PPP2R5C: variants seen among roughly 807,000 people sequenced by gnomAD.
PPP2R5C encodes serine/threonine-protein phosphatase 2A 56 kDa regulatory subunit gamma isoform.
In PPP2R5C, 7 loss-of-function variants were observed where a neutral mutation model predicts 68.9. The observed-to-expected ratio is 0.10, with a 90% CI of 0.06 to 0.19. PPP2R5C has a LOEUF of 0.19. Ranked by LOEUF, PPP2R5C falls within the 10% of genes least tolerant of loss-of-function variation. The pLI is 1.00. For missense variants in PPP2R5C, 348 were observed against 641.3 expected (o/e 0.54, Z 4.94); for synonymous variants, 210 against 222.2 (o/e 0.95, Z 0.49).
chr14:101,871,717 T>C (rs2043430674), intron 2 of PPP2R5C, among the ~76,000 whole-genome samples: 1 of 152,208 alleles, frequency 6.6e-6, no homozygotes, highest in African/African-American at 2.4e-5. Context: ...TTTGGATCAA[T>C]TGAGTACTTT....
chr14:101,872,019 G>T (rs1433340330), intron 2 of PPP2R5C, among the ~76,000 whole-genome samples: 1 of 151,238 alleles, frequency 6.6e-6, no homozygotes, highest in East Asian at 1.9e-4. Context: ...TTAAGTTTTC[G>T]GGTATTAAAA....
chr14:101,786,281 A>T, intron 3 of PPP2R5C, 98 bp downstream of exon 3: 5 of 1,123,108 alleles, frequency 4.5e-6, no homozygotes, highest in South Asian at 2.1e-5. Context: ...CTGTGTTTGT[A>T]TTTTGTGGGG....
At position 101,925,148 on chromosome 14, in the gene PPP2R5C, A is replaced by G. The variant is rs201378220; in HGVS notation, c.1451A>G (p.Lys484Arg). The G allele has an allele frequency of 1.5e-4, 246 of 1,613,922 alleles. No individual in the cohort carries two copies. The highest frequency in any genetic ancestry group is 1.6e-4 in the Middle Eastern group (1 of 6,084). The change falls in exon 14 of 14, where the codon AAA becomes AGA. Residue 484 changes from lysine (K) to arginine (R), a missense_variant. This residue lies in a region of PPP2R5C where 118 missense variants were observed against 108.9 expected (regional missense o/e 1.08). Coordinates refer to ENST00000334743, the Ensembl canonical transcript of PPP2R5C. ...TTGCATTTCTAATTCCAGGCACAGAAAGATCCGAAGAAGGACCGTCCTCTT... is the reference window on the plus strand; with the variant it reads ...TTGCATTTCTAATTCCAGGCACAGAGAGATCCGAAGAAGGACCGTCCTCTT...
At chr14:101,843,290 A>T in intron 1 of PPP2R5C, 1 of 164,476 alleles carries the variant, frequency 6.1e-6, no homozygotes, top group Middle Eastern at 2.9e-3. Context: ...CATTGATCAA[A>T]CATGGTAGGG....
chr14:101,926,580 C>G (rs575837516), exon 14 of PPP2R5C: 1 of 152,756 alleles, frequency 6.5e-6, no homozygotes, highest in South Asian at 2.1e-4. Flanking sequence ...TTGAAAGCTA[C>G]TTGAGATGTG....
At chr14:101,876,415 G>A (rs558352443) in intron 2 of PPP2R5C, among the ~76,000 whole-genome samples, 60 of 150,718 alleles carry the variant, frequency 4.0e-4, no homozygotes, top group Admixed American at 9.9e-4. Flanking sequence ...GACTGTCAGC[G>A]GTTTTTTTTT....
At chr14:101,764,003 TTG>T (rs3221573) in intron 2 of PPP2R5C, among the ~76,000 whole-genome samples, 186 of 136,634 alleles carry the variant, frequency 1.4e-3, no homozygotes, top group South Asian at 5.4e-3. Context: ...ATTGTTCACA[TTG>T]TGTGTGTGTG....
At chr14:101,783,629 T>C (rs913416581) in intron 2 of PPP2R5C, among the ~76,000 whole-genome samples, 4 of 152,108 alleles carry the variant, frequency 2.6e-5, no homozygotes, top group Non-Finnish European at 4.4e-5. Context: ...CTATCCTCAG[T>C]GTGTCCCCAT....
chr14:101,772,933 G>A (rs937117785), intron 2 of PPP2R5C, among the ~76,000 whole-genome samples: 4 of 152,158 alleles, frequency 2.6e-5, no homozygotes, highest in African/African-American at 9.7e-5. Context: ...TCCAGAACAC[G>A]GAAGCTGTGC....
intron 2 of PPP2R5C, chr14:101,765,383 T>A: frequency 3.1e-6 from 2 of 635,410 alleles, no homozygotes; most frequent in Non-Finnish European, 5.7e-6. Flanking sequence ...TTTTTTCCCC[T>A]CAGTCTTCAG....
intron 1 of PPP2R5C, among the ~76,000 whole-genome samples, chr14:101,852,764 G>T (rs182319870): frequency 6.6e-6 from 1 of 151,958 alleles, no homozygotes; most frequent in African/African-American, 2.4e-5. Flanking sequence ...GAGCCACCGC[G>T]CCTGGCCAGA....
chr14:101,847,420 G>T (rs1037883223), intron 1 of PPP2R5C, among the ~76,000 whole-genome samples: 1 of 152,252 alleles, frequency 6.6e-6, no homozygotes, highest in African/African-American at 2.4e-5. Flanking sequence ...GCAGCCTTCA[G>T]TGCCTTCCCA....
chr14:101,917,678 T>C lies in PPP2R5C; in HGVS notation c.1327-153T>C, dbSNP rs961417465. 7 of 929,604 alleles carry C rather than the reference T, an allele frequency of 7.5e-6. No homozygotes were observed. Among genetic ancestry groups the C allele is most frequent in the South Asian group, 3.2e-5 (2 of 61,638 alleles). The allele number at this position is 929,604 out of a possible 1,614,324, so 57.6% of individuals were successfully genotyped here. On this transcript the variant is annotated intron_variant, in intron 12 of 13. Transcript: ENST00000334743. The surrounding 1 kb of genome is among the most constrained non-coding windows in gnomAD (Gnocchi z 4.4). ...GTTTCAGAAGTCAGCAGCCGCATCA[T>C]GTTGCAGGTGTAGGCGAGTCTCCCA...
At chr14:101,768,325 A>G (rs2036963696) in intron 2 of PPP2R5C, among the ~76,000 whole-genome samples, 1 of 152,204 alleles carries the variant, frequency 6.6e-6, no homozygotes, top group South Asian at 2.1e-4. Flanking sequence ...GAGTGCTCAC[A>G]CAGAAGGGAG....
intron 5 of PPP2R5C, among the ~76,000 whole-genome samples, chr14:101,884,111 A>C (rs927664310): frequency 6.6e-6 from 1 of 152,204 alleles, no homozygotes; most frequent in Non-Finnish European, 1.5e-5. Context: ...CCACTGGTGT[A>C]GGTCCAAGAG....
chr14:101,779,902 G>A (rs577209027), intron 2 of PPP2R5C, among the ~76,000 whole-genome samples: 3 of 152,174 alleles, frequency 2.0e-5, no homozygotes, highest in Non-Finnish European at 4.4e-5. Flanking sequence ...TGGGGTTAAT[G>A]CAGGGAGGAA....
intron 2 of PPP2R5C, among the ~76,000 whole-genome samples, chr14:101,770,304 A>G (rs1469496632): frequency 6.6e-6 from 1 of 152,222 alleles, no homozygotes; most frequent in Non-Finnish European, 1.5e-5. Flanking sequence ...CTGTGCGAGC[A>G]CTGTGTTGAG....
chr14:101,919,844 C>A (rs1212917380), intron 13 of PPP2R5C, among the ~76,000 whole-genome samples: 1 of 151,946 alleles, frequency 6.6e-6, no homozygotes, highest in African/African-American at 2.4e-5. Flanking sequence ...TGGCAGGTTC[C>A]TGTAATCCCA....
intron 2 of PPP2R5C, among the ~76,000 whole-genome samples, chr14:101,785,515 C>T (rs189630358): frequency 6.6e-6 from 1 of 152,272 alleles, no homozygotes; most frequent in African/African-American, 2.4e-5. Context: ...ATCTTCACAT[C>T]TCTCTCTGAC....
Sources: gnomAD v4.1 joint callset for allele counts (sites outside exome capture counted in the v4.1 genomes callset) on GRCh38, gnomAD v4.1.1 for gene constraint, gnomAD v4.1.1 regional missense constraint, Gnocchi (gnomAD v3.1) non-coding constraint, MANE v1.5 for transcripts, NCBI Gene and HGNC (gene_info 2026-07-23, HGNC 2026-07-21) for gene names.